Variants in DDX23 observed in about 807,000 individuals in gnomAD.
DDX23 encodes DEAD-box helicase 23.
A neutral mutation model predicts 102.7 loss-of-function variants in DDX23; 33 were observed. That is an observed-to-expected ratio of 0.32 (90% CI 0.24 to 0.43). The LOEUF (loss-of-function observed/expected upper bound fraction) is 0.43. DDX23 is among the 20% of genes least tolerant of loss of function. DDX23 has a pLI of 1.00. For synonymous variants in DDX23, 352 were observed against 376.0 expected (o/e 0.94, Z 0.74); for missense variants, 549 against 1,086.6 (o/e 0.51, Z 6.96).
intron 15 of DDX23, chr12:48,831,702 G>A (rs574441483): frequency 4.7e-6 from 2 of 425,388 alleles, no homozygotes; most frequent in East Asian, 4.3e-5. Flanking sequence ...ACCAGTGACA[G>A]GAGTAAAGGA....
In DDX23 at chr12:48,845,592, C is replaced by T. The variant is rs372463662; in HGVS notation, c.191G>A (p.Arg64His). The change falls in exon 2 of 17, where the codon CGT (arginine) becomes CAT (histidine). Residue 64 changes from arginine (R) to histidine (H), a missense_variant. Coordinates refer to ENST00000308025, the MANE Select transcript of DDX23 (RefSeq NM_004818.3). The stretch of plus-strand genomic sequence containing the variant: ...ACTTTACCTTTCTGCAGATTTGGAA[C>T]GGGAACGAGAGCGAGAACGGCTGCC... ...RGGSRSRSRSRSKSAERERRH... is the reference protein window; with the variant it reads ...RGGSRSRSRSHSKSAERERRH... 6.9e-5 allele frequency: 111 copies of T among 1,614,086 alleles called. No individual in the cohort carries two copies. Among genetic ancestry groups the T allele is most frequent in the Non-Finnish European group, 8.1e-5 (95 of 1,180,048 alleles).
intron 11 of DDX23, chr12:48,835,244 A>AAAAT (rs550712868): frequency 2.7e-4 from 53 of 194,262 alleles, no homozygotes; most frequent in East Asian, 1.2e-3. Flanking sequence ...TCCATCTCAA[A>AAAAT]AAATAAATAA....
chr12:48,847,072 C>T (rs1938680158), intron 1 of DDX23, among the ~76,000 whole-genome samples: 1 of 152,148 alleles, frequency 6.6e-6, no homozygotes, highest in African/African-American at 2.4e-5. Context: ...CATTCCCTGC[C>T]ATATATCCTT....
At position 48,830,539 on chromosome 12, in the gene DDX23, T is replaced by A; in HGVS notation, c.2393A>T (p.His798Leu). ...VSSCPPELANHPDAQHKPGTI... is the reference protein window; with the variant it reads ...VSSCPPELANLPDAQHKPGTI... The stretch of plus-strand genomic sequence containing the variant: ...GCCTGGCTTATGCTGGGCATCTGGG[T>A]GGTTGGCTAGTTCGGGGGGACAGGA... The change falls in exon 17 of 17, where the codon CAC becomes CTC. Residue 798 changes from histidine (H) to leucine (L), a missense_variant. By Grantham distance (99) the His-to-Leu change is moderately conservative. Transcript: ENST00000308025. This position sits in a 1 kb window ranked among gnomAD's most constrained non-coding sequence, Gnocchi z 4.9. 6.2e-7 allele frequency: 1 copy of A among 1,613,646 alleles called. No individual in the cohort carries two copies. The highest frequency in any genetic ancestry group is 8.5e-7 in the Non-Finnish European group (1 of 1,179,988).
At position 48,832,820 on chromosome 12, in the gene DDX23, T is replaced by A; in HGVS notation, c.1804-247A>T. On this transcript the variant is annotated intron_variant, in intron 13 of 16. Coordinates refer to ENST00000308025, the MANE Select transcript of DDX23 (RefSeq NM_004818.3). This position sits in a 1 kb window ranked among gnomAD's most constrained non-coding sequence, Gnocchi z 4.4. ...CATTTGCTAGCACCTGTGGTCCCGG[T>A]AGCAGCATGAGTCTTTGGAATCGTT... 1 of 545,922 alleles carries A rather than the reference T, an allele frequency of 1.8e-6. No homozygotes were observed. Among genetic ancestry groups the A allele is most frequent in the Non-Finnish European group, 3.2e-6 (1 of 311,974 alleles). The allele number at this position is 545,922 out of a possible 1,614,324, so 33.8% of individuals were successfully genotyped here. A position where few individuals can be genotyped will look rare whatever the true frequency, so the allele number is the denominator to read the frequency against.
intron 7 of DDX23, 24 bp downstream of exon 7, chr12:48,837,500 T>A (rs1938481496): frequency 6.2e-7 from 1 of 1,613,954 alleles, no homozygotes; most frequent in Non-Finnish European, 8.5e-7. Context: ...GGGAGAGAAG[T>A]GAAGATGGAG....
At chr12:48,837,112 A>T in intron 8 of DDX23, 75 bp from the exon 9 acceptor site, 1 of 1,594,028 alleles carries the variant, frequency 6.3e-7, no homozygotes, top group Non-Finnish European at 8.6e-7. Flanking sequence ...GACTACTAGT[A>T]TGAAACAGTT....
At chr12:48,840,172 G>C in intron 3 of DDX23, 66 bp from the exon 4 acceptor site, 1 of 1,281,768 alleles carries the variant, frequency 7.8e-7, no homozygotes, top group South Asian at 1.2e-5. Context: ...TTCAAGTTGA[G>C]CCCCGAAAAG....
In DDX23 at chr12:48,845,694, C is replaced by T. The variant is rs1444681807; in HGVS notation, c.89G>A (p.Arg30Gln). 8 of 1,614,116 alleles carry T rather than the reference C, an allele frequency of 5.0e-6. No individual in the cohort carries two copies. The Admixed American group carries it at 5.0e-5, about 10-fold the overall frequency. Reference protein sequence around the residue: ...RKRSRTPDRERDRDRDRKSSP... With the variant: ...RKRSRTPDREQDRDRDRKSSP... ...AGACTTCCGGTCCCGGTCTCTATCCCGCTCTCTGTCAGGAGTCCGTGATCG... is the reference window on the plus strand; with the variant it reads ...AGACTTCCGGTCCCGGTCTCTATCCTGCTCTCTGTCAGGAGTCCGTGATCG... The change falls in exon 2 of 17, where the codon CGG becomes CAG. Residue 30 changes from arginine to glutamine, a missense_variant. This residue lies in a region of DDX23 where 241 missense variants were observed against 267.0 expected (regional missense o/e 0.90). Coordinates refer to ENST00000308025, the MANE Select transcript of DDX23 (RefSeq NM_004818.3).
At chr12:48,841,627 G>A (rs1565677815) in intron 3 of DDX23, among the ~76,000 whole-genome samples, 2 of 152,226 alleles carry the variant, frequency 1.3e-5, no homozygotes, top group Non-Finnish European at 2.9e-5. Context: ...CGCCTGACTG[G>A]TTTTCGTATT....
At position 48,843,964 on chromosome 12, in the gene DDX23, C is replaced by T. The variant is rs778626998; in HGVS notation, c.296G>A (p.Arg99Gln). 6 of 1,614,156 alleles carry T rather than the reference C, an allele frequency of 3.7e-6. No individual in the cohort carries two copies. Among genetic ancestry groups the T allele is most frequent in the South Asian group, 1.1e-5 (1 of 91,088 alleles). ...DRDRDKDGHR[R>Q]DKDRKRSSLS... The stretch of plus-strand genomic sequence containing the variant: ...CCTGGATCGTTTACGGTCCTTGTCC[C>T]GTCTGTGCCCATCCTTGTCTCGATC... Residue 99 changes from arginine to glutamine, a missense_variant, in exon 3 of 17, where the codon CGG (arginine) becomes CAG (glutamine). This residue lies in a region of DDX23 where 241 missense variants were observed against 267.0 expected (regional missense o/e 0.90). Coordinates refer to ENST00000308025, the MANE Select transcript of DDX23 (RefSeq NM_004818.3).
intron 11 of DDX23, 150 bp downstream of exon 11, chr12:48,835,971 T>A: frequency 1.1e-6 from 1 of 905,302 alleles, no homozygotes; most frequent in Non-Finnish European, 1.7e-6. Flanking sequence ...ACTTCTTCGA[T>A]ATCATGATCC....
At chr12:48,851,498 A>G (rs1267028131) in intron 1 of DDX23, among the ~76,000 whole-genome samples, 1 of 152,174 alleles carries the variant, frequency 6.6e-6, no homozygotes, top group Non-Finnish European at 1.5e-5. Flanking sequence ...AGAAAAGAAA[A>G]AAAAGAACAA....
At chr12:48,837,709 AGAGGGAATG>A in intron 6 of DDX23, 52 bp from the exon 7 acceptor site, 1 of 1,608,564 alleles carries the variant, frequency 6.2e-7, no homozygotes, top group Non-Finnish European at 8.5e-7. Flanking sequence ...AGAAAAGAGG[AGAGGGAATG>A]GAGGGAATCC....
Position 48,836,537 on chromosome 12 carries a change from C to T in DDX23, c.1236+32G>A. 1 of 1,597,616 alleles carries T rather than the reference C, an allele frequency of 6.3e-7. No individual in the cohort carries two copies. Among genetic ancestry groups the T allele is most frequent in the African/African-American group, 1.3e-5 (1 of 74,650 alleles). Reference sequence around the variant, plus strand: ...TTCCCAAACTAGTGTAGGAACATGTCAGATCTCTTGGGCCAATCTATCCCT... The same window carrying T: ...TTCCCAAACTAGTGTAGGAACATGTTAGATCTCTTGGGCCAATCTATCCCT... On this transcript the variant is annotated intron_variant, in intron 10 of 16. Coordinates refer to ENST00000308025, the MANE Select transcript of DDX23 (RefSeq NM_004818.3). This position sits in a 1 kb window ranked among gnomAD's most constrained non-coding sequence, Gnocchi z 6.1.
In DDX23 at chr12:48,830,325, G is replaced by C. The variant is rs11551274; in HGVS notation, c.*144C>G. The C allele has an allele frequency of 0.023, 23,652 of 1,028,982 alleles. 332 individuals are homozygous for C. The highest frequency in any genetic ancestry group is 0.03 in the Non-Finnish European group (20,208 of 675,002). 63.7% of individuals were successfully genotyped at this position (1,028,982 alleles called of 1,614,324 possible). A position where few individuals can be genotyped will look rare whatever the true frequency, so the allele number is the denominator to read the frequency against. On this transcript the variant is annotated 3_prime_UTR_variant, in exon 17 of 17. Transcript: ENST00000308025. The surrounding 1 kb of genome is among the most constrained non-coding windows in gnomAD (Gnocchi z 4.9). ...GCCCCACACGCAGGCCTCCTGACCT[G>C]AGGGTCTGGGCTAGGGAGTTGGATT...
chr12:48,836,860 G>A lies in DDX23; in HGVS notation c.1010+34C>T, dbSNP rs942853937. On this transcript the variant is annotated intron_variant, in intron 9 of 16. Coordinates refer to ENST00000308025, the MANE Select transcript of DDX23 (RefSeq NM_004818.3). This position sits in a 1 kb window ranked among gnomAD's most constrained non-coding sequence, Gnocchi z 6.1. ...CAACTCCTTTCTGTAGAGCCTCTGGGCTCTGTCCAGCCACCCTAGCCTTGA... is the reference window on the plus strand; with the variant it reads ...CAACTCCTTTCTGTAGAGCCTCTGGACTCTGTCCAGCCACCCTAGCCTTGA... The A allele has an allele frequency of 6.2e-7, 1 of 1,613,786 alleles. No individual in the cohort carries two copies. Among genetic ancestry groups the A allele is most frequent in the Non-Finnish European group, 8.5e-7 (1 of 1,179,914 alleles).
chr12:48,845,898 G>A (rs766135509), intron 1 of DDX23, 116 bp from the exon 2 acceptor site: 20 of 1,125,520 alleles, frequency 1.8e-5, no homozygotes, highest in Middle Eastern at 2.9e-4. Context: ...TATGTCTACC[G>A]TACAGATGAG....
At chr12:48,842,478 A>C (rs1175441010) in intron 3 of DDX23, among the ~76,000 whole-genome samples, 7 of 72,960 alleles carry the variant, frequency 9.6e-5, no homozygotes, top group East Asian at 4.1e-4. Context: ...CCGGCCAGCC[A>C]CCCCGTCCGG....
Sources: gnomAD v4.1 joint callset for allele counts (sites outside exome capture counted in the v4.1 genomes callset) on GRCh38, gnomAD v4.1.1 for gene constraint, gnomAD v4.1.1 regional missense constraint, Gnocchi (gnomAD v3.1) non-coding constraint, MANE v1.5 for transcripts, NCBI Gene and HGNC (gene_info 2026-07-23, HGNC 2026-07-21) for gene names.